CCDC73: variants seen among roughly 807,000 people sequenced by gnomAD.
CCDC73 encodes the protein coiled-coil domain-containing protein 73.
Under a neutral mutation model 116.5 loss-of-function variants are expected in CCDC73, and 95 were observed. The observed-to-expected ratio is 0.82, with a 90% CI of 0.69 to 0.97. The LOEUF (loss-of-function observed/expected upper bound fraction) is 0.97. Among genes scored for constraint, CCDC73 ranks in the 50% least tolerant of loss-of-function variants. The pLI is 0.00. For missense variants in CCDC73, 1,066 were observed against 1,206.8 expected (o/e 0.88, Z 1.73); for synonymous variants, 398 against 401.3 (o/e 0.99, Z 0.10).
intron 12 of CCDC73, among the ~76,000 whole-genome samples, chr11:32,652,254 A>C (rs1855832009): frequency 1.3e-5 from 2 of 151,900 alleles, no homozygotes; most frequent in African/African-American, 4.8e-5. Flanking sequence ...CAGTGAGCCA[A>C]GATCATGCCA....
At chr11:32,711,760 A>G (rs1350013299) in intron 3 of CCDC73, among the ~76,000 whole-genome samples, 2 of 152,154 alleles carry the variant, frequency 1.3e-5, no homozygotes, top group East Asian at 3.9e-4. Flanking sequence ...AAACCTATTG[A>G]AAAAAACAAA....
At chr11:32,730,539 C>T (rs1189556704) in intron 2 of CCDC73, among the ~76,000 whole-genome samples, 1 of 152,160 alleles carries the variant, frequency 6.6e-6, no homozygotes, top group Non-Finnish European at 1.5e-5. Flanking sequence ...CCATCTTCAT[C>T]TTAGTGTTGT....
intron 6 of CCDC73, among the ~76,000 whole-genome samples, chr11:32,692,954 TAAG>T (rs1048168608): frequency 2.6e-5 from 4 of 152,236 alleles, no homozygotes; most frequent in African/African-American, 9.6e-5. Flanking sequence ...AATTTAGATG[TAAG>T]AAGGTTGCCC....
the CCDC73 span, among the ~76,000 whole-genome samples, chr11:32,806,433 G>C: frequency 6.6e-6 from 1 of 151,764 alleles, no homozygotes; most frequent in Non-Finnish European, 1.5e-5. Flanking sequence ...AGACCAGCCT[G>C]GGCAACACGG....
intron 2 of CCDC73, among the ~76,000 whole-genome samples, chr11:32,732,233 A>G (rs1288004612): frequency 6.6e-6 from 1 of 152,246 alleles, no homozygotes; most frequent in Admixed American, 6.5e-5. Flanking sequence ...GAGTAAAACG[A>G]AATGAGCAAA....
the CCDC73 span, among the ~76,000 whole-genome samples, chr11:32,818,727 A>G: frequency 6.7e-6 from 1 of 150,232 alleles, no homozygotes; most frequent in Admixed American, 6.6e-5. Flanking sequence ...ATTTAGCCAT[A>G]AAAAGGAGGG....
chr11:32,613,811 T>C lies in CCDC73; in HGVS notation c.2507A>G (p.Gln836Arg). The C allele has an allele frequency of 6.2e-7, 1 of 1,613,790 alleles. No homozygotes were observed. Among genetic ancestry groups the C allele is most frequent in the Non-Finnish European group, 8.5e-7 (1 of 1,179,940 alleles). The change falls in exon 16 of 18, where the codon CAG (glutamine) becomes CGG (arginine). Residue 836 changes from glutamine to arginine, a missense_variant. Coordinates refer to ENST00000335185, the MANE Select transcript of CCDC73 (RefSeq NM_001008391.4). ...LFLFVSINER[Q>R]HTLLNNTEKT... ...CTCTGTATTATTTAACAATGTATGCTGTCTTTCATTAATGCTCACAAAAAG... is the reference window on the plus strand; with the variant it reads ...CTCTGTATTATTTAACAATGTATGCCGTCTTTCATTAATGCTCACAAAAAG...
chr11:32,760,765 A>C (rs772461125), intron 1 of CCDC73, among the ~76,000 whole-genome samples: 2 of 152,184 alleles, frequency 1.3e-5, no homozygotes, highest in Non-Finnish European at 1.5e-5. Context: ...GCTGCAAGAA[A>C]CTTTTCAACT....
At chr11:32,746,642 T>C (rs1341285723) in intron 2 of CCDC73, among the ~76,000 whole-genome samples, 1 of 152,204 alleles carries the variant, frequency 6.6e-6, no homozygotes, top group Non-Finnish European at 1.5e-5. Flanking sequence ...TTCTTTTTTC[T>C]CTAATCTTGT....
the CCDC73 span, among the ~76,000 whole-genome samples, chr11:32,813,140 C>T: frequency 2.6e-5 from 4 of 151,716 alleles, no homozygotes; most frequent in East Asian, 3.9e-4. Context: ...TTATTTCTTC[C>T]GTTTTGTGAA....
At chr11:32,721,439 GA>G (rs1042243622) in intron 2 of CCDC73, among the ~76,000 whole-genome samples, 4 of 152,104 alleles carry the variant, frequency 2.6e-5, no homozygotes, top group African/African-American at 9.7e-5. Flanking sequence ...AGCAAAAATA[GA>G]AAAATATTAA....
At chr11:32,714,495 C>T (rs372323019) in intron 3 of CCDC73, among the ~76,000 whole-genome samples, 13 of 152,086 alleles carry the variant, frequency 8.5e-5, no homozygotes, top group African/African-American at 2.9e-4. Flanking sequence ...TAGAAATGAC[C>T]TCAGAAAGAA....
At chr11:32,674,324 G>A (rs1026782502) in intron 9 of CCDC73, among the ~76,000 whole-genome samples, 3 of 152,192 alleles carry the variant, frequency 2.0e-5, no homozygotes, top group African/African-American at 7.2e-5. Context: ...GCAGTATCGA[G>A]AGAGGGATTG....
intron 1 of CCDC73, among the ~76,000 whole-genome samples, chr11:32,762,992 C>A (rs1234095598): frequency 6.6e-6 from 1 of 152,178 alleles, no homozygotes; most frequent in South Asian, 2.1e-4. Context: ...CATGGAGCCT[C>A]GCTCATTTCT....
chr11:32,746,590 C>T (rs1850241529), intron 2 of CCDC73, among the ~76,000 whole-genome samples: 1 of 152,304 alleles, frequency 6.6e-6, no homozygotes, highest in East Asian at 1.9e-4. Flanking sequence ...GGTCTTTTCA[C>T]ATAGTCTCAT....
At chr11:32,758,551 C>A in intron 2 of CCDC73, 1 of 444,618 alleles carries the variant, frequency 2.2e-6, no homozygotes, top group Non-Finnish European at 4.5e-6. Flanking sequence ...ATGCTTTCTT[C>A]ATCAAGGAGC....
the CCDC73 span, among the ~76,000 whole-genome samples, chr11:32,807,366 C>T: frequency 6.6e-6 from 1 of 152,206 alleles, no homozygotes; most frequent in East Asian, 1.9e-4. Flanking sequence ...AGGAAAATCT[C>T]TAGACCCATG....
intron 12 of CCDC73, among the ~76,000 whole-genome samples, chr11:32,644,628 T>C (rs1855760852): frequency 6.6e-6 from 1 of 152,226 alleles, no homozygotes; most frequent in African/African-American, 2.4e-5. Context: ...CTGAATCCAT[T>C]AAACAGGAGC....
the CCDC73 span, among the ~76,000 whole-genome samples, chr11:32,824,850 A>T: frequency 1.2e-4 from 19 of 152,318 alleles, no homozygotes; most frequent in African/African-American, 3.8e-4. Flanking sequence ...TTGGGAGGTC[A>T]AGGCGGGAAG....
Sources: gnomAD v4.1 joint callset for allele counts (sites outside exome capture counted in the v4.1 genomes callset) on GRCh38, gnomAD v4.1.1 for gene constraint, MANE v1.5 for transcripts, NCBI Gene and HGNC (gene_info 2026-07-23, HGNC 2026-07-21) for gene names.